Variants in STK32C observed in about 807,000 individuals in gnomAD.
The protein encoded by STK32C is serine/threonine kinase 32C.
In STK32C, 31 loss-of-function variants were observed where a neutral mutation model predicts 56.5. The ratio of observed to expected loss-of-function variants is 0.55; its 90% CI spans 0.41 to 0.74. STK32C has a LOEUF of 0.74. Among genes scored for constraint, STK32C ranks in the 30% least tolerant of loss-of-function variants. The pLI is 0.00. For synonymous variants in STK32C, 309 were observed against 289.4 expected, an observed-to-expected ratio of 1.07 and a Z score of -0.69; for missense variants, 544 against 676.9, an observed-to-expected ratio of 0.80 and a Z score of 2.18.
downstream of STK32C, among the ~76,000 whole-genome samples, chr10:132,323,246 T>C (rs980603888): frequency 2.6e-5 from 4 of 152,214 alleles, no homozygotes; most frequent in Non-Finnish European, 5.9e-5. This position sits in a 1 kb window ranked among gnomAD's most constrained non-coding sequence, Gnocchi z 4.8. Flanking sequence ...CAGTGCATTC[T>C]GGGTCCAAAA....
chr10:132,285,093 G>A (rs1164335414), intron 1 of STK32C, among the ~76,000 whole-genome samples: 68 of 112,912 alleles, frequency 6.0e-4, no homozygotes, highest in African/African-American at 2.1e-3. Flanking sequence ...GCATGAACCC[G>A]GAACACATTC....
chr10:132,210,100 C>T (rs78078824), intron 10 of STK32C, among the ~76,000 whole-genome samples: 3 of 152,208 alleles, frequency 2.0e-5, no homozygotes, highest in Admixed American at 1.3e-4. Context: ...CCCCCCCATG[C>T]GATTGGCCAG....
chr10:132,256,515 C>T (rs1276888174), intron 1 of STK32C, among the ~76,000 whole-genome samples: 2 of 152,328 alleles, frequency 1.3e-5, no homozygotes, highest in East Asian at 3.9e-4. Context: ...CTGATCAATA[C>T]AGTATCTCCG....
At chr10:132,259,180 C>G (rs2064224915) in intron 1 of STK32C, among the ~76,000 whole-genome samples, 1 of 152,232 alleles carries the variant, frequency 6.6e-6, no homozygotes, top group African/African-American at 2.4e-5. Context: ...CCATCCCAGC[C>G]TCCAAGCCCT....
chr10:132,251,506 G>T (rs926681932), intron 1 of STK32C, among the ~76,000 whole-genome samples: 3 of 152,172 alleles, frequency 2.0e-5, no homozygotes, highest in Non-Finnish European at 2.9e-5. Flanking sequence ...CCCTGGGAAG[G>T]GGGGGCATAG....
At chr10:132,314,015 T>C (rs1013119107) in intron 1 of STK32C, among the ~76,000 whole-genome samples, 1 of 152,148 alleles carries the variant, frequency 6.6e-6, no homozygotes, top group African/African-American at 2.4e-5. Context: ...TGTGAAGGCA[T>C]CCTACCTGGC....
intron 1 of STK32C, among the ~76,000 whole-genome samples, chr10:132,266,849 T>TG (rs1305513473): frequency 6.6e-6 from 1 of 150,968 alleles, no homozygotes; most frequent in Non-Finnish European, 1.5e-5. Context: ...AAGCAGGACC[T>TG]GGGGGCAGCT....
chr10:132,273,138 T>C (rs1401734731), intron 1 of STK32C, among the ~76,000 whole-genome samples: 1 of 152,206 alleles, frequency 6.6e-6, no homozygotes, highest in Non-Finnish European at 1.5e-5. Context: ...ATCCTATACA[T>C]TTACTTAGCT....
At chr10:132,320,535 G>A (rs2066386853), downstream of STK32C, among the ~76,000 whole-genome samples, 1 of 152,136 alleles carries the variant, frequency 6.6e-6, no homozygotes, top group Non-Finnish European at 1.5e-5. Flanking sequence ...CACCCCCGCA[G>A]AGGCTGGGGC....
In STK32C at chr10:132,278,489, C is replaced by T. The variant is rs12244706; in HGVS notation, c.262+29083G>A. 6.2e-3 allele frequency among the ~76,000 whole-genome samples: 950 copies of T among 152,120 alleles called. 6 individuals are homozygous for T. Among genetic ancestry groups the T allele is most frequent in the African/African-American group, 0.021 (873 of 41,480 alleles). On this transcript the variant is annotated intron_variant, in intron 1 of 11. Transcript: ENST00000298630. ...AAAAAATCAAAATACCGGCCGGGCG[C>T]GGTGGCTCACGCCTGTAATCCCAGC...
At chr10:132,314,829 A>G (rs2066283694) in intron 1 of STK32C, among the ~76,000 whole-genome samples, 2 of 152,202 alleles carry the variant, frequency 1.3e-5, no homozygotes, top group Admixed American at 1.3e-4. Flanking sequence ...AATACCTAAC[A>G]TGCAGCCATA....
intron 1 of STK32C, among the ~76,000 whole-genome samples, chr10:132,262,467 C>T (rs760978149): frequency 5.9e-5 from 9 of 152,096 alleles, no homozygotes; most frequent in Admixed American, 3.3e-4. Context: ...AGCTTCTGCA[C>T]GGCAAGAGAA....
At chr10:132,281,470 A>G (rs758009852) in intron 1 of STK32C, among the ~76,000 whole-genome samples, 3 of 152,164 alleles carry the variant, frequency 2.0e-5, no homozygotes, top group Non-Finnish European at 4.4e-5. Flanking sequence ...GGTAAAAGAA[A>G]GCCATTTTGC....
chr10:132,288,057 T>C (rs75296114), intron 1 of STK32C, among the ~76,000 whole-genome samples: 13,640 of 151,956 alleles, frequency 0.09, 684 homozygotes, highest in African/African-American at 0.15. Flanking sequence ...TTATAAGCTC[T>C]TCCCCCAGCC....
At chr10:132,266,941 G>A (rs1352942237) in intron 1 of STK32C, among the ~76,000 whole-genome samples, 1 of 152,142 alleles carries the variant, frequency 6.6e-6, no homozygotes, top group Non-Finnish European at 1.5e-5. Context: ...GGGCTGCGCG[G>A]ACGAGGCCGC....
Position 132,224,355 on chromosome 10 carries a change from G to A in STK32C, c.993+52C>T, listed in dbSNP as rs1305911128. Reference sequence around the variant, plus strand: ...GGTGTCCCGAGCCGCAGGTAAGTGAGGGAGGGAGGTGGGTGCTCGGAGGGT... The same window carrying A: ...GGTGTCCCGAGCCGCAGGTAAGTGAAGGAGGGAGGTGGGTGCTCGGAGGGT... On this transcript the variant is annotated intron_variant, in intron 8 of 11. Coordinates refer to ENST00000298630, the MANE Select transcript of STK32C (RefSeq NM_173575.4). 4 of 1,354,508 alleles carry A rather than the reference G, an allele frequency of 3.0e-6. No individual in the cohort carries two copies. The South Asian group carries it at 3.7e-5, about 13-fold the overall frequency. 83.9% of individuals were successfully genotyped at this position (1,354,508 alleles called of 1,614,324 possible).
exon 2 of STK32C, chr10:132,324,325 C>T (rs764264100): frequency 5.1e-6 from 4 of 779,682 alleles, no homozygotes; most frequent in African/African-American, 1.7e-5. Context: ...CCACACCATT[C>T]CACATCTTCC....
intron 11 of STK32C, among the ~76,000 whole-genome samples, chr10:132,208,794 A>G (rs1423001610): frequency 6.6e-6 from 1 of 152,082 alleles, no homozygotes; most frequent in Non-Finnish European, 1.5e-5. Flanking sequence ...CATCTGGGCA[A>G]ATGATGTGTC....
At chr10:132,331,817 C>A (rs181309246) in exon 1 of STK32C, 11 of 1,573,458 alleles carry the variant, frequency 7.0e-6, no homozygotes, top group Non-Finnish European at 9.5e-6. Context: ...TCGACCACCA[C>A]CCCTTCAAGG....
Sources: gnomAD v4.1 joint callset for allele counts (sites outside exome capture counted in the v4.1 genomes callset) on GRCh38, gnomAD v4.1.1 for gene constraint, Gnocchi (gnomAD v3.1) non-coding constraint, MANE v1.5 for transcripts, NCBI Gene and HGNC (gene_info 2026-07-23, HGNC 2026-07-21) for gene names.